The following PTPN12 variants were observed in gnomAD, a reference collection of about 807,000 sequenced individuals.
PTPN12 encodes the protein protein tyrosine phosphatase non-receptor type 12.
In PTPN12, 29 loss-of-function variants were observed where a neutral mutation model predicts 97.6. The ratio of observed to expected loss-of-function variants is 0.30; its 90% CI spans 0.22 to 0.41. The LOEUF is 0.41. Among genes scored for constraint, PTPN12 ranks in the 10% least tolerant of loss-of-function variants. The probability of loss-of-function intolerance (pLI) is 1.00; values close to 1 mark genes in which losing one functional copy is unlikely to be tolerated. For missense variants in PTPN12, 819 were observed against 926.0 expected (o/e 0.88, Z 1.50); for synonymous variants, 327 against 300.4 (o/e 1.09, Z -0.91).
chr7:77,618,655 T>G, intron 12 of PTPN12, 90 bp downstream of exon 12: 1 of 876,888 alleles, frequency 1.1e-6, no homozygotes, highest in South Asian at 1.7e-5. Flanking sequence ...ATTTCTAAAT[T>G]ACTTTTATAA....
rs141768285 is a variant in PTPN12, at chr7:77,592,089, A to G, written c.421-96A>G. On this transcript the variant is annotated intron_variant, in intron 5 of 17. Transcript: ENST00000248594. The stretch of plus-strand genomic sequence containing the variant: ...AATGTGGGTTTTTCTGTTTTGGGGA[A>G]GTAGAAGTAAGCAGAACCTCAGGAC... 2.8e-4 allele frequency: 288 copies of G among 1,026,458 alleles called. No individual in the cohort carries two copies. In the African/African-American group the frequency reaches 4.4e-3, roughly 16 times the overall value. 63.6% of individuals were successfully genotyped at this position (1,026,458 alleles called of 1,614,324 possible).
intron 2 of PTPN12, 118 bp downstream of exon 2, chr7:77,571,304 C>A: frequency 1.6e-6 from 1 of 631,494 alleles, no homozygotes; most frequent in Non-Finnish European, 2.7e-6. Context: ...ACCTATCTTT[C>A]AAAGTACATG....
chr7:77,618,418 A>G (rs1371883995), intron 11 of PTPN12, 62 bp from the exon 12 acceptor site: 1 of 1,116,262 alleles, frequency 9.0e-7, no homozygotes. Context: ...AATTTAGTTG[A>G]AACATGAAGA....
intron 16 of PTPN12, 151 bp from the exon 17 acceptor site, chr7:77,638,473 T>TATTTATATTG (rs1431629862): frequency 8.3e-7 from 1 of 1,210,428 alleles, no homozygotes; most frequent in African/African-American, 1.6e-5. Context: ...ACTACACTTG[T>TATTTATATTG]ATTTATATTG....
chr7:77,576,008 T>C (rs1029703909), intron 2 of PTPN12, among the ~76,000 whole-genome samples: 6 of 152,060 alleles, frequency 3.9e-5, no homozygotes, highest in African/African-American at 1.4e-4. Context: ...CACATCACCA[T>C]GCCTGGCTAA....
chr7:77,624,265 TC>T lies in PTPN12; in HGVS notation c.1026-2439del, dbSNP rs1167402628. ...CCAGGTGGCAGAGCAGGACCCTGTC[TC>T]AAAAAAAAAAAAAAGAATCTACTTG... On this transcript the variant is annotated intron_variant, in intron 12 of 17. Coordinates refer to ENST00000248594, the MANE Select transcript of PTPN12 (RefSeq NM_002835.4). Among the ~76,000 whole-genome samples, 7 of 146,892 alleles carry T rather than the reference TC, an allele frequency of 4.8e-5. No homozygotes were observed. In the East Asian group the frequency reaches 1.2e-3, roughly 25 times the overall value.
intron 17 of PTPN12, 94 bp downstream of exon 17, chr7:77,638,825 A>G: frequency 2.8e-6 from 4 of 1,447,156 alleles, no homozygotes; most frequent in Non-Finnish European, 3.6e-6. Context: ...CTTGCCAAGA[A>G]TAAAACATGA....
chr7:77,566,527 G>C (rs904658632), intron 1 of PTPN12, among the ~76,000 whole-genome samples: 10 of 152,150 alleles, frequency 6.6e-5, no homozygotes, highest in Admixed American at 2.0e-4. Flanking sequence ...TTCGAGACCA[G>C]CCTGGACAAC....
intron 2 of PTPN12, among the ~76,000 whole-genome samples, chr7:77,580,356 A>C (rs1787475181): frequency 6.6e-6 from 1 of 152,192 alleles, no homozygotes; most frequent in African/African-American, 2.4e-5. Context: ...AAAAATAATA[A>C]AGTAAATCTT....
At chr7:77,605,862 T>A (rs1037287829) in intron 8 of PTPN12, among the ~76,000 whole-genome samples, 8 of 151,968 alleles carry the variant, frequency 5.3e-5, no homozygotes, top group Admixed American at 6.6e-5. Context: ...TTTCTAGGGC[T>A]TATAGCATTC....
chr7:77,635,366 C>G (rs2151409683), intron 14 of PTPN12, among the ~76,000 whole-genome samples: 1 of 152,290 alleles, frequency 6.6e-6, no homozygotes, highest in East Asian at 1.9e-4. Flanking sequence ...GAGGTTGAGG[C>G]TCCAGTGAGC....
intron 8 of PTPN12, among the ~76,000 whole-genome samples, chr7:77,602,682 TA>T (rs1788228581): frequency 6.6e-6 from 1 of 152,090 alleles, no homozygotes; most frequent in African/African-American, 2.4e-5. Flanking sequence ...TTTTGAAACC[TA>T]ATTTTTGGAA....
rs1787585008 is a variant in PTPN12, at chr7:77,583,416, C to T, written c.286-139C>T. On this transcript the variant is annotated intron_variant, in intron 3 of 17. Transcript: ENST00000248594. ...ATATATTTTGCCATGCTTTAATATA[C>T]TATGAAAGACACATTATTTGGAAAT... 1.2e-5 allele frequency: 7 copies of T among 601,672 alleles called. No homozygotes were observed. The South Asian group carries it at 1.5e-4, about 13-fold the overall frequency. The allele number at this position is 601,672 out of a possible 1,614,324, so 37.3% of individuals were successfully genotyped here.
Position 77,627,092 on chromosome 7 carries a change from A to G in PTPN12, c.1413A>G (p.Ile471Met). ...AIKIKSASPC[I>M]ADKISKPQEL... ...AAATTAAATCTGCTTCACCTTGTAT[A>G]GCTGATAAAATCTCTAAGCCACAGG... The change falls in exon 13 of 18, where the codon ATA becomes ATG. Residue 471 changes from isoleucine to methionine, a missense_variant. Ile to Met is a conservative substitution (Grantham distance 10). Transcript: ENST00000248594. 6.2e-7 allele frequency: 1 copy of G among 1,614,200 alleles called. No individual in the cohort carries two copies. Among genetic ancestry groups the G allele is most frequent in the Non-Finnish European group, 8.5e-7 (1 of 1,180,008 alleles).
intron 14 of PTPN12, 33 bp from the exon 15 acceptor site, chr7:77,635,749 G>T: frequency 7.2e-7 from 1 of 1,388,038 alleles, no homozygotes; most frequent in South Asian, 1.3e-5. Flanking sequence ...GAAATTCAAG[G>T]TGTTAATAAC....
chr7:77,585,664 C>T (rs1411698558), intron 5 of PTPN12, 83 bp downstream of exon 5: 5 of 1,237,420 alleles, frequency 4.0e-6, no homozygotes, highest in African/African-American at 1.5e-5. Context: ...TTAACATAAG[C>T]GGTTAATGTA....
intron 9 of PTPN12, 51 bp downstream of exon 9, chr7:77,607,352 C>T: frequency 7.8e-7 from 1 of 1,290,026 alleles, no homozygotes; most frequent in Non-Finnish European, 1.1e-6. Flanking sequence ...TTATGATTTT[C>T]AAACTTAATT....
At chr7:77,558,290 C>A (rs1224592556) in intron 1 of PTPN12, among the ~76,000 whole-genome samples, 1 of 151,612 alleles carries the variant, frequency 6.6e-6, no homozygotes, top group African/African-American at 2.4e-5. Context: ...TTTCTAGGTC[C>A]ATTAAGGGGA....
intron 1 of PTPN12, among the ~76,000 whole-genome samples, chr7:77,559,467 T>A (rs1246675211): frequency 6.6e-6 from 1 of 152,242 alleles, no homozygotes; most frequent in East Asian, 1.9e-4. Context: ...GTGAAAGCTT[T>A]CCTTGGTAAC....
Sources: gnomAD v4.1 joint callset for allele counts (sites outside exome capture counted in the v4.1 genomes callset) on GRCh38, gnomAD v4.1.1 for gene constraint, MANE v1.5 for transcripts, NCBI Gene and HGNC (gene_info 2026-07-23, HGNC 2026-07-21) for gene names.